The following KATNAL1 variants were observed in gnomAD, a reference collection of about 807,000 sequenced individuals.
The protein encoded by KATNAL1 is katanin catalytic subunit A1 like 1, also known as katanin p60 ATPase-containing subunit A-like 1.
Under a neutral mutation model 55.2 loss-of-function variants are expected in KATNAL1, and 32 were observed. That is an observed-to-expected ratio of 0.58 (90% CI 0.44 to 0.78). The LOEUF (loss-of-function observed/expected upper bound fraction) is 0.78, where lower values mean the gene tolerates loss of function less well. Ranked by LOEUF, KATNAL1 falls within the 30% of genes least tolerant of loss-of-function variation. The pLI is 0.00. For missense variants in KATNAL1, 466 were observed against 600.9 expected, an observed-to-expected ratio of 0.78 and a Z score of 2.35; for synonymous variants, 193 against 193.6, an observed-to-expected ratio of 1.00 and a Z score of 0.02.
intron 3 of KATNAL1, among the ~76,000 whole-genome samples, chr13:30,263,931 C>G (rs1300214041): frequency 6.7e-6 from 1 of 150,182 alleles, no homozygotes; most frequent in Non-Finnish European, 1.5e-5. Context: ...AATCCTAAGC[C>G]AAAAGAACAA....
At chr13:30,263,068 C>T (rs1879441896) in intron 3 of KATNAL1, among the ~76,000 whole-genome samples, 1 of 152,182 alleles carries the variant, frequency 6.6e-6, no homozygotes, top group Non-Finnish European at 1.5e-5. Flanking sequence ...GTTCAATATA[C>T]ACAAATCAAT....
intron 9 of KATNAL1, among the ~76,000 whole-genome samples, chr13:30,222,573 C>T (rs188832404): frequency 5.9e-5 from 9 of 152,234 alleles, no homozygotes; most frequent in African/African-American, 9.6e-5. Flanking sequence ...ATGGCTGGCA[C>T]GATGCATACT....
intron 1 of KATNAL1, among the ~76,000 whole-genome samples, chr13:30,302,425 T>A (rs182625898): frequency 3.4e-5 from 5 of 148,896 alleles, no homozygotes; most frequent in Admixed American, 2.0e-4. Flanking sequence ...ATCCATACTC[T>A]CACAGAAGTA....
chr13:30,277,798 A>G (rs1880955903), intron 3 of KATNAL1, among the ~76,000 whole-genome samples: 1 of 151,572 alleles, frequency 6.6e-6, no homozygotes, highest in South Asian at 2.1e-4. Flanking sequence ...CCCGGCTAAA[A>G]CGGTGAAACC....
intron 8 of KATNAL1, among the ~76,000 whole-genome samples, chr13:30,229,167 C>A (rs1875827498): frequency 6.6e-6 from 1 of 152,058 alleles, no homozygotes; most frequent in African/African-American, 2.4e-5. Context: ...GCCCATAACC[C>A]TTTTCCTTCT....
intron 1 of KATNAL1, among the ~76,000 whole-genome samples, chr13:30,290,974 A>G (rs988345513): frequency 2.6e-5 from 4 of 152,268 alleles, no homozygotes; most frequent in African/African-American, 9.6e-5. Context: ...ATGGACATCT[A>G]TGAAATACCT....
intron 4 of KATNAL1, among the ~76,000 whole-genome samples, chr13:30,244,978 G>C (rs1365542452): frequency 2.0e-5 from 3 of 151,632 alleles, no homozygotes; most frequent in Non-Finnish European, 2.9e-5. Context: ...GGTAAAAAGA[G>C]GAGCTGGTAT....
chr13:30,210,262 C>A lies in KATNAL1; in HGVS notation c.1274+54G>T, dbSNP rs1873548116. On this transcript the variant is annotated intron_variant, in intron 10 of 10. Coordinates refer to ENST00000380615, the MANE Select transcript of KATNAL1 (RefSeq NM_032116.5). ...TAACTACATTGACTTTAAGACCAGTCCTCCTGCGAAGTCTATAACTAATGT... is the reference window on the plus strand; with the variant it reads ...TAACTACATTGACTTTAAGACCAGTACTCCTGCGAAGTCTATAACTAATGT... 1.1e-5 allele frequency: 16 copies of A among 1,474,402 alleles called. 1 individual carries two copies. In the South Asian group the frequency reaches 2.3e-4, roughly 21 times the overall value. The allele number at this position is 1,474,402 out of a possible 1,614,324, so 91.3% of individuals were successfully genotyped here. A position where few individuals can be genotyped will look rare whatever the true frequency, so the allele number is the denominator to read the frequency against.
chr13:30,231,953 G>A (rs1353826206), intron 6 of KATNAL1, among the ~76,000 whole-genome samples: 4 of 152,106 alleles, frequency 2.6e-5, no homozygotes, highest in Non-Finnish European at 1.5e-5. Flanking sequence ...ACCCATTTAT[G>A]AGTTAATAAG....
At chr13:30,297,143 T>TAA (rs560378346) in intron 1 of KATNAL1, among the ~76,000 whole-genome samples, 141 of 103,692 alleles carry the variant, frequency 1.4e-3, no homozygotes, top group African/African-American at 3.0e-3. Flanking sequence ...ACCCTGCCTC[T>TAA]AAAAAAAAAA....
chr13:30,225,448 G>GA (rs565991580), intron 9 of KATNAL1, among the ~76,000 whole-genome samples: 2 of 151,822 alleles, frequency 1.3e-5, no homozygotes, highest in East Asian at 3.9e-4. Flanking sequence ...GCTTGCTCAA[G>GA]AAAAAAACAA....
chr13:30,244,093 C>G (rs145186745), intron 4 of KATNAL1, among the ~76,000 whole-genome samples: 1,985 of 152,006 alleles, frequency 0.013, 38 homozygotes, highest in African/African-American at 0.044. Flanking sequence ...CCCCCACCCC[C>G]CAACAGGCCC....
At chr13:30,292,573 C>A (rs1882204427) in intron 1 of KATNAL1, among the ~76,000 whole-genome samples, 1 of 152,158 alleles carries the variant, frequency 6.6e-6, no homozygotes, top group Non-Finnish European at 1.5e-5. Flanking sequence ...CAAACCTGAC[C>A]TTTGCTCTGG....
rs1872953343 is a variant in KATNAL1, at chr13:30,204,692, G to C, written c.*3848C>G. 1 of 152,216 alleles carries C rather than the reference G, an allele frequency of 6.6e-6. No homozygotes were observed. The highest frequency in any genetic ancestry group is 1.5e-5 in the Non-Finnish European group (1 of 68,044). 9.4% of individuals were successfully genotyped at this position (152,216 alleles called of 1,614,324 possible). A position where few individuals can be genotyped will look rare whatever the true frequency, so the allele number is the denominator to read the frequency against. On this transcript the variant is annotated 3_prime_UTR_variant, in exon 11 of 11. Transcript: ENST00000380615. ...TGATGTATGTGTATGACTGTCCATA[G>C]ATTCACCAGGTATTGGTTTGCTTAC...
intron 4 of KATNAL1, among the ~76,000 whole-genome samples, chr13:30,252,898 C>T (rs1179160820): frequency 6.6e-6 from 1 of 152,120 alleles, no homozygotes; most frequent in Non-Finnish European, 1.5e-5. Context: ...AGGCATGCAC[C>T]ACCACACCCA....
chr13:30,306,308 C>T (rs969330826), intron 1 of KATNAL1, among the ~76,000 whole-genome samples: 1 of 151,942 alleles, frequency 6.6e-6, no homozygotes, highest in Non-Finnish European at 1.5e-5. Flanking sequence ...TTTTTCCTTC[C>T]GAAAACATGC....
At chr13:30,272,761 G>A (rs529222014) in intron 3 of KATNAL1, among the ~76,000 whole-genome samples, 18 of 152,076 alleles carry the variant, frequency 1.2e-4, no homozygotes, top group South Asian at 2.1e-4. Flanking sequence ...ATAAACGCTC[G>A]CCAGAGAAAT....
intron 9 of KATNAL1, among the ~76,000 whole-genome samples, chr13:30,223,178 A>G (rs781708097): frequency 3.7e-4 from 56 of 150,920 alleles, no homozygotes; most frequent in East Asian, 5.9e-4. Context: ...CACTGTACAC[A>G]CCTGTAATCC....
chr13:30,305,116 T>A (rs1883099667), intron 1 of KATNAL1, among the ~76,000 whole-genome samples: 1 of 152,108 alleles, frequency 6.6e-6, no homozygotes, highest in African/African-American at 2.4e-5. Flanking sequence ...GGGGCTGGAG[T>A]TATCTTTCTA....
Sources: allele counts gnomAD v4.1 joint callset (sites outside exome capture counted in the v4.1 genomes callset), GRCh38; gene constraint gnomAD v4.1.1; transcripts MANE v1.5; gene names NCBI Gene and HGNC (gene_info 2026-07-23, HGNC 2026-07-21).